Variants in PCDHGA5 observed in about 807,000 individuals in gnomAD.
PCDHGA5 encodes protocadherin gamma subfamily A, 5.
In PCDHGA5, 36 loss-of-function variants were observed where a neutral mutation model predicts 56.7. That is an observed-to-expected ratio of 0.64 (90% CI 0.49 to 0.84). The LOEUF (loss-of-function observed/expected upper bound fraction) is 0.84. Among genes scored for constraint, PCDHGA5 ranks in the 40% least tolerant of loss-of-function variants. The pLI is 0.00. For missense variants in PCDHGA5, 1,305 were observed against 1,201.5 expected, an observed-to-expected ratio of 1.09 and a Z score of -1.27; for synonymous variants, 563 against 520.2, an observed-to-expected ratio of 1.08 and a Z score of -1.12.
At chr5:141,414,639 T>A in intron 1 of PCDHGA5, 1 of 1,613,966 alleles carries the variant, frequency 6.2e-7, no homozygotes, top group South Asian at 1.1e-5. Context: ...GCAAAGAGAA[T>A]GCCCAGATTA....
At position 141,491,682 on chromosome 5, in the gene PCDHGA5, G is replaced by A. The variant is rs11952292; in HGVS notation, c.2422-3125G>A. The A allele has an allele frequency of 1.9e-6, 3 of 1,613,150 alleles. No individual in the cohort carries two copies. Among genetic ancestry groups the A allele is most frequent in the South Asian group, 1.1e-5 (1 of 91,046 alleles). On this transcript the variant is annotated intron_variant, in intron 1 of 3. Coordinates refer to ENST00000518069, the MANE Select transcript of PCDHGA5 (RefSeq NM_018918.3). The surrounding 1 kb of genome is among the most constrained non-coding windows in gnomAD (Gnocchi z 6.9). Reference sequence around the variant, plus strand: ...ACGCCATCCGGTCCCGCTCTAATACGCTGCGGGAGCGGAGCCAGGTGAGGG... The same window carrying A: ...ACGCCATCCGGTCCCGCTCTAATACACTGCGGGAGCGGAGCCAGGTGAGGG...
chr5:141,472,183 A>G (rs2099273731), intron 1 of PCDHGA5, among the ~76,000 whole-genome samples: 1 of 152,190 alleles, frequency 6.6e-6, no homozygotes, highest in South Asian at 2.1e-4. Flanking sequence ...CCAGTATTGG[A>G]ATTTGAATCT....
At position 141,491,201 on chromosome 5, in the gene PCDHGA5, C is replaced by T. The variant is rs752813291; in HGVS notation, c.2422-3606C>T. The T allele has an allele frequency of 3.7e-6, 6 of 1,614,226 alleles. No homozygotes were observed. The Admixed American group carries it at 5.0e-5, about 13-fold the overall frequency. On this transcript the variant is annotated intron_variant, in intron 1 of 3. Transcript: ENST00000518069. This position sits in a 1 kb window ranked among gnomAD's most constrained non-coding sequence, Gnocchi z 6.9. ...GTCCTGGTGAGGGACAATGGTGACCCTTCACTCTCCTCCACAGCCACAGTG... is the reference window on the plus strand; with the variant it reads ...GTCCTGGTGAGGGACAATGGTGACCTTTCACTCTCCTCCACAGCCACAGTG...
chr5:141,374,296 G>A, intron 1 of PCDHGA5: 3 of 1,613,974 alleles, frequency 1.9e-6, no homozygotes, highest in Non-Finnish European at 2.5e-6. Flanking sequence ...CCAGAGGTAG[G>A]ATGCAGCTTT....
chr5:141,403,341 C>T (rs1279947533), intron 1 of PCDHGA5: 1 of 1,613,988 alleles, frequency 6.2e-7, no homozygotes, highest in Non-Finnish European at 8.5e-7. Flanking sequence ...AACGACAGCG[C>T]CCCAAAGTTC....
chr5:141,422,043 G>A (rs1307532347), intron 1 of PCDHGA5: 13 of 1,611,504 alleles, frequency 8.1e-6, no homozygotes, highest in African/African-American at 1.3e-5. Flanking sequence ...ATCCAGACGA[G>A]GGAATCAACG....
chr5:141,421,426 A>G, intron 1 of PCDHGA5: 2 of 1,614,104 alleles, frequency 1.2e-6, no homozygotes, highest in South Asian at 1.1e-5. Context: ...CGGAGTCCGC[A>G]TCGTCTCCAG....
intron 1 of PCDHGA5, chr5:141,377,664 C>T (rs1042522537): frequency 6.6e-6 from 1 of 151,600 alleles, no homozygotes; most frequent in South Asian, 2.1e-4. Context: ...AAACGACAGA[C>T]GTTCATACAA....
intron 1 of PCDHGA5, chr5:141,399,376 A>G: frequency 6.2e-7 from 1 of 1,613,956 alleles, no homozygotes; most frequent in Non-Finnish European, 8.5e-7. Flanking sequence ...GTACAATGTC[A>G]CCATCACAGC....
Position 141,375,571 on chromosome 5 carries a change from C to T in PCDHGA5, c.2421+8820C>T, listed in dbSNP as rs760580799. On this transcript the variant is annotated intron_variant, in intron 1 of 3. Coordinates refer to ENST00000518069, the MANE Select transcript of PCDHGA5 (RefSeq NM_018918.3). Reference sequence around the variant, plus strand: ...CCTACTCACTGGCAGAAGACACCCTCCAGGGGGCGCCCCTGTCCTCCTACG... The same window carrying T: ...CCTACTCACTGGCAGAAGACACCCTTCAGGGGGCGCCCCTGTCCTCCTACG... 15 of 1,613,962 alleles carry T rather than the reference C, an allele frequency of 9.3e-6. No individual in the cohort carries two copies. In the Admixed American group the frequency reaches 2.3e-4, roughly 25 times the overall value.
In PCDHGA5 at chr5:141,477,913, T is replaced by G; in HGVS notation, c.2422-16894T>G. ...CACGGGTGGTAGGCTGGGACGCGGA[T>G]GCAGGGCACAATGCCTGGCTCTCCT... On this transcript the variant is annotated intron_variant, in intron 1 of 3. Transcript: ENST00000518069. This position sits in a 1 kb window ranked among gnomAD's most constrained non-coding sequence, Gnocchi z 4.9. 6.2e-7 allele frequency: 1 copy of G among 1,614,190 alleles called. No individual in the cohort carries two copies. Among genetic ancestry groups the G allele is most frequent in the Non-Finnish European group, 8.5e-7 (1 of 1,180,024 alleles).
Position 141,476,176 on chromosome 5 carries a change from G to C in PCDHGA5, c.2422-18631G>C, listed in dbSNP as rs778169270. 1 of 1,613,530 alleles carries C rather than the reference G, an allele frequency of 6.2e-7. No homozygotes were observed. The highest frequency in any genetic ancestry group is 8.5e-7 in the Non-Finnish European group (1 of 1,180,006). On this transcript the variant is annotated intron_variant, in intron 1 of 3. Transcript: ENST00000518069. The surrounding 1 kb of genome is among the most constrained non-coding windows in gnomAD (Gnocchi z 7.6). ...GCACCGGGAGGGTAGTGGGAGTTTT[G>C]CTTCTGCTTGGTGCCTTGAACAAGG...
intron 1 of PCDHGA5, chr5:141,423,846 C>G: frequency 1.6e-6 from 2 of 1,278,968 alleles, no homozygotes; most frequent in Non-Finnish European, 2.0e-6. Flanking sequence ...GATAATCTTT[C>G]AGAACGTTTT....
chr5:141,439,636 G>A (rs114401133), intron 1 of PCDHGA5, among the ~76,000 whole-genome samples: 27 of 152,206 alleles, frequency 1.8e-4, no homozygotes, highest in Non-Finnish European at 2.9e-4. Context: ...CAGACATTCC[G>A]GCTTGGTGGC....
intron 1 of PCDHGA5, chr5:141,385,148 T>G (rs1052139407): frequency 6.2e-7 from 1 of 1,614,218 alleles, no homozygotes; most frequent in Admixed American, 1.7e-5. Context: ...CAGGCTTTCC[T>G]GCAGACCTAT....
rs558074504 is a variant in PCDHGA5, at chr5:141,489,065, C to G, written c.2422-5742C>G. On this transcript the variant is annotated intron_variant, in intron 1 of 3. Coordinates refer to ENST00000518069, the MANE Select transcript of PCDHGA5 (RefSeq NM_018918.3). This position sits in a 1 kb window ranked among gnomAD's most constrained non-coding sequence, Gnocchi z 4.5. ...CCACTCAAATTCAGCTCCCCTCCCC[C>G]CTGCCCACCCCCGCCACTCGGTGAC... is the stretch of plus-strand genomic sequence containing the variant. The G allele has an allele frequency of 1.5e-4, 57 of 389,046 alleles. No homozygotes were observed. Among genetic ancestry groups the G allele is most frequent in the African/African-American group, 8.5e-4 (40 of 47,278 alleles). 24.1% of individuals were successfully genotyped at this position (389,046 alleles called of 1,614,324 possible).
chr5:141,487,890 G>C lies in PCDHGA5; in HGVS notation c.2422-6917G>C. 3 of 745,430 alleles carry C rather than the reference G, an allele frequency of 4.0e-6. No homozygotes were observed. Among genetic ancestry groups the C allele is most frequent in the Non-Finnish European group, 6.5e-6 (3 of 462,522 alleles). The allele number at this position is 745,430 out of a possible 1,614,324, so 46.2% of individuals were successfully genotyped here. A position where few individuals can be genotyped will look rare whatever the true frequency, so the allele number is the denominator to read the frequency against. On this transcript the variant is annotated intron_variant, in intron 1 of 3. Coordinates refer to ENST00000518069, the MANE Select transcript of PCDHGA5 (RefSeq NM_018918.3). This position sits in a 1 kb window ranked among gnomAD's most constrained non-coding sequence, Gnocchi z 5.0. ...AAGAGCCAGGCTGTTGTGGAAGCAT[G>C]ATGATGGAATGTGGGAGCACAGGAG...
intron 2 of PCDHGA5, 114 bp from the exon 3 acceptor site, chr5:141,505,279 C>A (rs780513022): frequency 1.3e-6 from 2 of 1,541,274 alleles, no homozygotes; most frequent in Non-Finnish European, 1.7e-6. Flanking sequence ...AGAAACAGGT[C>A]TTGGGCATGG....
intron 1 of PCDHGA5, chr5:141,372,751 C>A (rs775212888): frequency 3.7e-6 from 6 of 1,613,192 alleles, no homozygotes; most frequent in Non-Finnish European, 4.2e-6. Flanking sequence ...GATGAAGCCT[C>A]TTGGTTTGAA....
Sources: allele counts gnomAD v4.1 joint callset (sites outside exome capture counted in the v4.1 genomes callset), GRCh38; gene constraint gnomAD v4.1.1; non-coding constraint Gnocchi (gnomAD v3.1); transcripts MANE v1.5; gene names NCBI Gene and HGNC (gene_info 2026-07-23, HGNC 2026-07-21).